Variants in SYT16 observed in about 807,000 individuals in gnomAD.
SYT16 encodes synaptotagmin 16.
A neutral mutation model predicts 61.4 loss-of-function variants in SYT16; 42 were observed. The observed-to-expected ratio is 0.68, with a 90% CI of 0.53 to 0.89. The LOEUF (loss-of-function observed/expected upper bound fraction) is 0.89, where lower values mean the gene tolerates loss of function less well. Ranked by LOEUF, SYT16 falls within the 40% of genes least tolerant of loss-of-function variation. The pLI is 0.00. For missense variants in SYT16, 804 were observed against 807.3 expected (o/e 1.00, Z 0.05); for synonymous variants, 314 against 302.3 (o/e 1.04, Z -0.40).
At chr14:61,927,946 C>T (rs1340192534) in intron 1 of SYT16, among the ~76,000 whole-genome samples, 2 of 152,160 alleles carry the variant, frequency 1.3e-5, no homozygotes, top group East Asian at 3.8e-4. Context: ...ACTTGCTTTG[C>T]AGTCGTGAAA....
chr14:62,011,874 T>TACACACACACACACAC (rs576570781), intron 3 of SYT16, among the ~76,000 whole-genome samples: 19 of 136,494 alleles, frequency 1.4e-4, no homozygotes, highest in African/African-American at 5.8e-4. Flanking sequence ...ACACTATATA[T>TACACACACACACACAC]ACACACACAC....
intron 1 of SYT16, among the ~76,000 whole-genome samples, chr14:61,931,829 C>T (rs2049784544): frequency 6.6e-6 from 1 of 152,066 alleles, no homozygotes; most frequent in Non-Finnish European, 1.5e-5. Context: ...TATACATGTG[C>T]CACGTTGGTG....
At chr14:61,915,812 T>TAGAAGTA (rs1566677300) in intron 1 of SYT16, among the ~76,000 whole-genome samples, 1 of 152,262 alleles carries the variant, frequency 6.6e-6, no homozygotes, top group Non-Finnish European at 1.5e-5. Flanking sequence ...AGAACCCATT[T>TAGAAGTA]GAAGGTTGCT....
At chr14:62,008,831 A>G (rs1031479347) in intron 3 of SYT16, among the ~76,000 whole-genome samples, 2 of 152,096 alleles carry the variant, frequency 1.3e-5, no homozygotes, top group Non-Finnish European at 2.9e-5. Context: ...ATGGTAGTCA[A>G]CTGTATTAAT....
chr14:61,832,516 A>C (rs545152530), intron 1 of SYT16: 1 of 277,546 alleles, frequency 3.6e-6, no homozygotes, highest in African/African-American at 2.2e-5. Flanking sequence ...AGCTCACTGC[A>C]ACCTCCGCCT....
intron 1 of SYT16, among the ~76,000 whole-genome samples, chr14:61,859,629 A>G (rs537190169): frequency 6.6e-5 from 10 of 151,970 alleles, no homozygotes; most frequent in African/African-American, 2.4e-4. Flanking sequence ...TGTGTCCTAA[A>G]TTTTCCAATG....
chr14:62,054,961 G>C (rs2055481113), intron 3 of SYT16, among the ~76,000 whole-genome samples: 1 of 152,060 alleles, frequency 6.6e-6, no homozygotes, highest in Non-Finnish European at 1.5e-5. Context: ...CACATCCCAG[G>C]CCCTTCATTT....
chr14:62,045,344 A>T (rs2140865721), intron 3 of SYT16, among the ~76,000 whole-genome samples: 1 of 152,248 alleles, frequency 6.6e-6, no homozygotes, highest in South Asian at 2.1e-4. Context: ...TGAAGGTTGG[A>T]CAAAGGTGTA....
At chr14:62,064,035 C>CT (rs1324711136) in intron 3 of SYT16, among the ~76,000 whole-genome samples, 10 of 151,870 alleles carry the variant, frequency 6.6e-5, no homozygotes, top group African/African-American at 1.9e-4. Context: ...AATTGTGTAA[C>CT]TTTTTTTCTG....
intron 7 of SYT16, among the ~76,000 whole-genome samples, chr14:62,096,059 C>G (rs1049164937): frequency 6.6e-6 from 1 of 151,842 alleles, no homozygotes; most frequent in Admixed American, 6.6e-5. Flanking sequence ...AGATCCCTAC[C>G]TCACACCACA....
At chr14:62,013,392 A>G (rs1306897615) in intron 3 of SYT16, among the ~76,000 whole-genome samples, 2 of 152,200 alleles carry the variant, frequency 1.3e-5, no homozygotes, top group Admixed American at 6.5e-5. Flanking sequence ...TTTACTGGCA[A>G]TGAAAAAATT....
intron 3 of SYT16, among the ~76,000 whole-genome samples, chr14:62,024,534 A>G (rs1446814265): frequency 1.3e-5 from 2 of 152,082 alleles, no homozygotes; most frequent in Non-Finnish European, 2.9e-5. Context: ...GAAAGTGCAT[A>G]GTTCCCATAC....
intron 3 of SYT16, among the ~76,000 whole-genome samples, chr14:62,036,655 C>CGTG (rs2054519758): frequency 6.6e-6 from 1 of 152,122 alleles, no homozygotes; most frequent in South Asian, 2.1e-4. Context: ...GCACATCTTA[C>CGTG]GTGGTGGCAG....
intron 1 of SYT16, among the ~76,000 whole-genome samples, chr14:61,904,644 A>T (rs1217213871): frequency 1.3e-5 from 2 of 152,180 alleles, no homozygotes; most frequent in African/African-American, 4.8e-5. Context: ...TTGAACACTG[A>T]CTTTCTACTC....
chr14:61,921,308 C>T (rs142890507), intron 1 of SYT16, among the ~76,000 whole-genome samples: 20 of 152,230 alleles, frequency 1.3e-4, no homozygotes, highest in African/African-American at 4.6e-4. Flanking sequence ...GTCACTTTGC[C>T]TCTTGAATCA....
intron 2 of SYT16, among the ~76,000 whole-genome samples, chr14:61,995,130 G>T (rs999571705): frequency 2.6e-5 from 4 of 152,064 alleles, no homozygotes; most frequent in African/African-American, 9.7e-5. Context: ...ATTTAGCTCT[G>T]GGGTCTTCAT....
intron 1 of SYT16, among the ~76,000 whole-genome samples, chr14:61,884,926 A>G (rs1412406781): frequency 6.6e-6 from 1 of 152,030 alleles, no homozygotes; most frequent in Non-Finnish European, 1.5e-5. Context: ...CCCACTAAAA[A>G]CCAGAGGACT....
intron 3 of SYT16, among the ~76,000 whole-genome samples, chr14:62,064,943 G>C (rs1346781852): frequency 6.6e-6 from 1 of 152,226 alleles, no homozygotes; most frequent in Non-Finnish European, 1.5e-5. Flanking sequence ...CTTTGCAAGA[G>C]ATCGCAAGTT....
chr14:62,060,996 T>G (rs1356207311), intron 3 of SYT16, among the ~76,000 whole-genome samples: 1 of 152,078 alleles, frequency 6.6e-6, no homozygotes, highest in African/African-American at 2.4e-5. Flanking sequence ...GGTACAGAGA[T>G]AATAAAAGAT....
Sources: gnomAD v4.1 joint callset for allele counts (sites outside exome capture counted in the v4.1 genomes callset) on GRCh38, gnomAD v4.1.1 for gene constraint, MANE v1.5 for transcripts, NCBI Gene and HGNC (gene_info 2026-07-23, HGNC 2026-07-21) for gene names.